SAMD12: variants seen among roughly 807,000 people sequenced by gnomAD.
The protein encoded by SAMD12 is sterile alpha motif domain-containing protein 12.
Under a neutral mutation model 15.0 loss-of-function variants are expected in SAMD12, and 9 were observed. The observed-to-expected ratio is 0.60, with a 90% CI of 0.36 to 1.05. The LOEUF is 1.05. Among genes scored for constraint, SAMD12 ranks in the 50% least tolerant of loss-of-function variants. SAMD12 has a pLI of 0.01. For missense variants in SAMD12, 230 were observed against 234.2 expected, an observed-to-expected ratio of 0.98 and a Z score of 0.12; for synonymous variants, 86 against 90.1, an observed-to-expected ratio of 0.96 and a Z score of 0.25.
Position 118,215,170 on chromosome 8 carries a change from C to T in SAMD12, c.434-17438G>A, listed in dbSNP as rs559212572. Among the ~76,000 whole-genome samples, 77 of 152,166 alleles carry T rather than the reference C, an allele frequency of 5.1e-4. 1 individual carries two copies. In the Middle Eastern group the frequency reaches 0.01, roughly 20 times the overall value. Reference sequence around the variant, plus strand: ...AAAACAAGTATTGGCAAACTATAGCCCCTGTAGGACAAATCCAGCCCACTC... The same window carrying T: ...AAAACAAGTATTGGCAAACTATAGCTCCTGTAGGACAAATCCAGCCCACTC... On this transcript the variant is annotated intron_variant, in intron 4 of 4. Coordinates refer to the SAMD12 transcript ENST00000409003.
At chr8:118,278,256 A>G (rs1234591824) in intron 4 of SAMD12, among the ~76,000 whole-genome samples, 3 of 152,218 alleles carry the variant, frequency 2.0e-5, no homozygotes, top group Non-Finnish European at 4.4e-5. Context: ...TTTATGCAAG[A>G]GCCCATGTAG....
chr8:118,133,515 C>T, the SAMD12 span, among the ~76,000 whole-genome samples: 1 of 152,084 alleles, frequency 6.6e-6, no homozygotes, highest in African/African-American at 2.4e-5. Flanking sequence ...ATTTGATCTT[C>T]TTAATCCCGA....
At chr8:118,265,914 T>A (rs1813185185) in intron 4 of SAMD12, among the ~76,000 whole-genome samples, 1 of 152,010 alleles carries the variant, frequency 6.6e-6, no homozygotes, top group African/African-American at 2.4e-5. Context: ...TATAAGACAA[T>A]AAGGTACATG....
intron 3 of SAMD12, among the ~76,000 whole-genome samples, chr8:118,381,599 C>T (rs1429054631): frequency 6.6e-6 from 1 of 152,146 alleles, no homozygotes; most frequent in African/African-American, 2.4e-5. Flanking sequence ...GCCAGAGAGA[C>T]ATGTGACAAT....
downstream of SAMD12, among the ~76,000 whole-genome samples, chr8:118,374,681 G>A (rs373614885): frequency 2.0e-5 from 3 of 152,206 alleles, no homozygotes; most frequent in South Asian, 6.2e-4. Flanking sequence ...ATTCTAATGG[G>A]TGTGAGATGA....
At chr8:118,342,637 G>A (rs1817432287) in intron 4 of SAMD12, among the ~76,000 whole-genome samples, 1 of 152,200 alleles carries the variant, frequency 6.6e-6, no homozygotes, top group African/African-American at 2.4e-5. Flanking sequence ...AAAACAAAAA[G>A]AATCCCACAA....
intron 4 of SAMD12, among the ~76,000 whole-genome samples, chr8:118,321,833 G>A (rs564838604): frequency 2.0e-5 from 3 of 151,966 alleles, no homozygotes; most frequent in Non-Finnish European, 4.4e-5. Flanking sequence ...TGTAAAATGA[G>A]GATGATAATA....
chr8:118,621,489 G>T, intron 1 of SAMD12: 1 of 432,816 alleles, frequency 2.3e-6, no homozygotes, highest in Non-Finnish European at 4.2e-6. Flanking sequence ...GGCATCTCGG[G>T]GCCAAAACCT....
intron 2 of SAMD12, among the ~76,000 whole-genome samples, chr8:118,476,029 C>A (rs954808460): frequency 1.3e-5 from 2 of 152,184 alleles, no homozygotes; most frequent in South Asian, 4.1e-4. Flanking sequence ...TAGTATAAAA[C>A]ATCTGCTACA....
chr8:118,261,436 G>A (rs936555390), intron 4 of SAMD12, among the ~76,000 whole-genome samples: 3 of 152,042 alleles, frequency 2.0e-5, no homozygotes, highest in Non-Finnish European at 4.4e-5. Context: ...GACAAGAAAG[G>A]AAAAATTAAA....
chr8:118,165,872 C>T, the SAMD12 span, among the ~76,000 whole-genome samples: 4 of 151,884 alleles, frequency 2.6e-5, no homozygotes, highest in Admixed American at 1.3e-4. Context: ...CTTCACCTGC[C>T]TCCTAAACCA....
intron 4 of SAMD12, among the ~76,000 whole-genome samples, chr8:118,305,036 C>A (rs1284487427): frequency 1.4e-5 from 2 of 142,758 alleles, no homozygotes; most frequent in East Asian, 4.3e-4. Context: ...ATAATCCCAG[C>A]TACTCGGGAG....
At chr8:118,492,657 CCA>C (rs1475849558) in intron 2 of SAMD12, among the ~76,000 whole-genome samples, 1 of 151,986 alleles carries the variant, frequency 6.6e-6, no homozygotes, top group Non-Finnish European at 1.5e-5. Flanking sequence ...AGTATATCCC[CCA>C]GTTATTTAAG....
intron 4 of SAMD12, among the ~76,000 whole-genome samples, chr8:118,203,957 A>C (rs1819789898): frequency 1.3e-5 from 2 of 151,280 alleles, no homozygotes; most frequent in Admixed American, 6.6e-5. Context: ...CCTGGTTGTG[A>C]GCCAAATATA....
intron 4 of SAMD12, among the ~76,000 whole-genome samples, chr8:118,355,236 C>A (rs545762636): frequency 6.6e-6 from 1 of 152,154 alleles, no homozygotes; most frequent in Non-Finnish European, 1.5e-5. Flanking sequence ...TAATGGCATT[C>A]GCAGCAAGAT....
intron 2 of SAMD12, among the ~76,000 whole-genome samples, chr8:118,464,573 C>A (rs982602117): frequency 6.6e-6 from 1 of 152,054 alleles, no homozygotes; most frequent in Non-Finnish European, 1.5e-5. Flanking sequence ...TATGCTTCTT[C>A]CAAAAGTCAA....
At chr8:118,604,311 T>C (rs1228120548) in intron 1 of SAMD12, among the ~76,000 whole-genome samples, 1 of 152,246 alleles carries the variant, frequency 6.6e-6, no homozygotes, top group African/African-American at 2.4e-5. Flanking sequence ...GAAATTTATA[T>C]ATAACGTTTG....
At chr8:118,616,622 C>T (rs949411035) in intron 1 of SAMD12, among the ~76,000 whole-genome samples, 10 of 152,166 alleles carry the variant, frequency 6.6e-5, no homozygotes, top group Admixed American at 2.6e-4. Flanking sequence ...TGAAAAGGCA[C>T]AAAGCATAGG....
chr8:118,466,854 TC>T (rs1339270344), intron 2 of SAMD12, among the ~76,000 whole-genome samples: 1 of 152,114 alleles, frequency 6.6e-6, no homozygotes, highest in African/African-American at 2.4e-5. Flanking sequence ...AAAATTAGAT[TC>T]CCTGCCCACA....
Sources: gnomAD v4.1 joint callset for allele counts (sites outside exome capture counted in the v4.1 genomes callset) on GRCh38, gnomAD v4.1.1 for gene constraint, MANE v1.5 for transcripts, NCBI Gene and HGNC (gene_info 2026-07-23, HGNC 2026-07-21) for gene names.